The following SUMF1 variants were observed in gnomAD, a reference collection of about 807,000 sequenced individuals.
The protein encoded by SUMF1 is formylglycine-generating enzyme.
In SUMF1, 48 loss-of-function variants were observed where a neutral mutation model predicts 47.6. The observed-to-expected ratio is 1.01, with a 90% CI of 0.80 to 1.28. The LOEUF (loss-of-function observed/expected upper bound fraction) is 1.28, where lower values mean the gene tolerates loss of function less well. SUMF1 is among the 50% of genes most tolerant of loss of function. The pLI is 0.00. For synonymous variants in SUMF1, 230 were observed against 192.1 expected, an observed-to-expected ratio of 1.20 and a Z score of -1.63; for missense variants, 571 against 485.4, an observed-to-expected ratio of 1.18 and a Z score of -1.66.
At chr3:4,316,084 T>G in intron 8 of SUMF1, 1 of 529,158 alleles carries the variant, frequency 1.9e-6, no homozygotes, top group Non-Finnish European at 3.4e-6. Context: ...AGTTTTTGCA[T>G]TGTTGGAATT....
At chr3:4,253,688 G>T (rs1053793382) in intron 8 of SUMF1, among the ~76,000 whole-genome samples, 6 of 151,200 alleles carry the variant, frequency 4.0e-5, no homozygotes, top group African/African-American at 1.5e-4. Flanking sequence ...CTGGGGGAGG[G>T]GCGCCCGCCA....
chr3:4,463,141 G>A (rs1406110450), intron 1 of SUMF1, among the ~76,000 whole-genome samples: 1 of 151,970 alleles, frequency 6.6e-6, no homozygotes, highest in Non-Finnish European at 1.5e-5. Context: ...GGGGGATATA[G>A]AGATTAAAAC....
At chr3:4,308,116 T>C (rs1698263207) in intron 8 of SUMF1, among the ~76,000 whole-genome samples, 1 of 152,218 alleles carries the variant, frequency 6.6e-6, no homozygotes, top group South Asian at 2.1e-4. Context: ...AGTAAGGTAA[T>C]ACTTGATAAC....
intron 8 of SUMF1, among the ~76,000 whole-genome samples, chr3:4,132,555 A>G (rs968161124): frequency 6.6e-6 from 1 of 152,040 alleles, no homozygotes; most frequent in African/African-American, 2.4e-5. Context: ...GGCACCACTC[A>G]CCATCACCCC....
chr3:4,046,807 T>C (rs1695015527), intron 9 of SUMF1, among the ~76,000 whole-genome samples: 1 of 152,176 alleles, frequency 6.6e-6, no homozygotes, highest in Non-Finnish European at 1.5e-5. Flanking sequence ...TCCAATAGCC[T>C]ATTCTATATA....
chr3:4,177,523 G>A (rs538733398), intron 8 of SUMF1, among the ~76,000 whole-genome samples: 169 of 152,238 alleles, frequency 1.1e-3, no homozygotes, highest in Non-Finnish European at 1.0e-3. Context: ...CAGAATCTCT[G>A]GGACACATTT....
chr3:4,379,453 T>A (rs1252748552), intron 7 of SUMF1, among the ~76,000 whole-genome samples: 2 of 152,144 alleles, frequency 1.3e-5, no homozygotes, highest in African/African-American at 4.8e-5. Flanking sequence ...TTCCTGGAAG[T>A]CACCAGGAAG....
At chr3:4,303,647 C>G in intron 8 of SUMF1, 1 of 1,429,060 alleles carries the variant, frequency 7.0e-7, no homozygotes, top group Non-Finnish European at 9.2e-7. Context: ...ACAGCGCACC[C>G]GTTGGTGCGC....
intron 9 of SUMF1, among the ~76,000 whole-genome samples, chr3:4,056,490 AT>A (rs1036466705): frequency 2.6e-5 from 4 of 152,102 alleles, no homozygotes; most frequent in African/African-American, 9.7e-5. Context: ...CCTGGGCCGC[AT>A]AGTGAGACTT....
chr3:4,313,174 A>G lies in SUMF1; in HGVS notation c.1014+63156T>C, dbSNP rs779189977. 28 of 1,614,070 alleles carry G rather than the reference A, an allele frequency of 1.7e-5. No individual in the cohort carries two copies. In the Middle Eastern group the frequency reaches 1.5e-3, roughly 86 times the overall value. Reference sequence around the variant, plus strand: ...TCTACAGTTCCACTTCCAAGTGTTCAAGACGCATAAAAAAGGCTGGGGACT... The same window carrying G: ...TCTACAGTTCCACTTCCAAGTGTTCGAGACGCATAAAAAAGGCTGGGGACT... On this transcript the variant is annotated intron_variant and NMD_transcript_variant, in intron 8 of 12. Transcript: ENST00000448413.
At chr3:4,414,855 G>A (rs1363619498) in intron 6 of SUMF1, 1 of 152,216 alleles carries the variant, frequency 6.6e-6, no homozygotes, top group East Asian at 1.9e-4. Flanking sequence ...GTAGCTGCAA[G>A]TGCTGTCAAA....
At chr3:4,463,801 A>AAAGCAGACTCTTCT (rs2079872410) in intron 1 of SUMF1, among the ~76,000 whole-genome samples, 1 of 152,250 alleles carries the variant, frequency 6.6e-6, no homozygotes, top group Admixed American at 6.5e-5. Context: ...TCTAAAAGAT[A>AAAGCAGACTCTTCT]AAAGCAGACT....
At chr3:4,133,920 A>G (rs549409978) in intron 8 of SUMF1, among the ~76,000 whole-genome samples, 1 of 152,182 alleles carries the variant, frequency 6.6e-6, no homozygotes, top group African/African-American at 2.4e-5. Flanking sequence ...TAAAATTGGG[A>G]TGGGAACACA....
chr3:4,277,581 C>T (rs1464229095), intron 8 of SUMF1, among the ~76,000 whole-genome samples: 1 of 151,972 alleles, frequency 6.6e-6, no homozygotes, highest in Non-Finnish European at 1.5e-5. Flanking sequence ...GGAAAATAGA[C>T]ACAGTAGGAC....
At chr3:4,232,335 G>A (rs1006155091) in intron 8 of SUMF1, among the ~76,000 whole-genome samples, 2 of 152,056 alleles carry the variant, frequency 1.3e-5, no homozygotes, top group Non-Finnish European at 2.9e-5. Flanking sequence ...TGTTCCCCGC[G>A]ATGAATAATA....
At chr3:4,374,806 T>G (rs1700272546) in intron 8 of SUMF1, among the ~76,000 whole-genome samples, 1 of 152,166 alleles carries the variant, frequency 6.6e-6, no homozygotes, top group African/African-American at 2.4e-5. Flanking sequence ...GACTCTGATG[T>G]ATACGTGAAC....
At chr3:4,102,094 T>C (rs949903585) in intron 8 of SUMF1, among the ~76,000 whole-genome samples, 2 of 152,142 alleles carry the variant, frequency 1.3e-5, no homozygotes, top group Non-Finnish European at 1.5e-5. Context: ...TTAACTCCCA[T>C]TGGGTCCATC....
chr3:4,335,878 T>C lies in SUMF1; in HGVS notation c.1014+40452A>G, dbSNP rs529436686. On this transcript the variant is annotated intron_variant and NMD_transcript_variant, in intron 8 of 12. Coordinates refer to the SUMF1 transcript ENST00000448413. ...AGGAGGCTGAGGCAGGAGAATTGCT[T>C]GAATCCAGGAGGCAGAGGTTGCAAT... Among the ~76,000 whole-genome samples, 253 of 142,180 alleles carry C rather than the reference T, an allele frequency of 1.8e-3. 1 individual carries two copies. Among genetic ancestry groups the C allele is most frequent in the African/African-American group, 5.6e-3 (216 of 38,430 alleles). 93.3% of individuals were successfully genotyped at this position (142,180 alleles called of 152,430 possible).
intron 9 of SUMF1, among the ~76,000 whole-genome samples, chr3:4,046,962 C>G (rs1264823309): frequency 6.6e-6 from 1 of 152,096 alleles, no homozygotes; most frequent in Non-Finnish European, 1.5e-5. Context: ...GCCTCACCAA[C>G]CTCTGTCACC....
Sources: allele counts gnomAD v4.1 joint callset (sites outside exome capture counted in the v4.1 genomes callset), GRCh38; gene constraint gnomAD v4.1.1; transcripts MANE v1.5; gene names NCBI Gene and HGNC (gene_info 2026-07-23, HGNC 2026-07-21).